Variants in ROR2 observed in about 807,000 individuals in gnomAD.
The protein encoded by ROR2 is ROR family WNT receptor 2, also known as tyrosine-protein kinase transmembrane receptor ROR2.
In ROR2, 33 loss-of-function variants were observed where a neutral mutation model predicts 74.9. The observed-to-expected ratio is 0.44, with a 90% CI of 0.33 to 0.59. The LOEUF (loss-of-function observed/expected upper bound fraction) is 0.59, where lower values mean the gene tolerates loss of function less well. Ranked by LOEUF, ROR2 falls within the 20% of genes least tolerant of loss-of-function variation. ROR2 has a pLI of 0.02. For synonymous variants in ROR2, 586 were observed against 558.7 expected (o/e 1.05, Z -0.69); for missense variants, 1,216 against 1,313.8 (o/e 0.93, Z 1.15).
At chr9:91,898,486 G>A (rs1018044022) in intron 1 of ROR2, among the ~76,000 whole-genome samples, 12 of 152,142 alleles carry the variant, frequency 7.9e-5, no homozygotes, top group Admixed American at 6.5e-4. Flanking sequence ...ACCCCAAGAC[G>A]TCCTACAGAA....
At chr9:91,885,289 C>G (rs919856322) in intron 1 of ROR2, among the ~76,000 whole-genome samples, 3 of 151,972 alleles carry the variant, frequency 2.0e-5, no homozygotes, top group Admixed American at 2.0e-4. Context: ...TAAAAAGGAG[C>G]CTTTGTTGAA....
chr9:91,879,936 A>G (rs1342593466), intron 1 of ROR2, among the ~76,000 whole-genome samples: 2 of 152,104 alleles, frequency 1.3e-5, no homozygotes, highest in South Asian at 2.1e-4. Flanking sequence ...AAGGAGGTCA[A>G]TACTAAGTTT....
rs1164053602 is a variant in ROR2 at position 91,742,308 on chromosome 9, A to G, written c.495-4790T>C. Among the ~76,000 whole-genome samples, 8 of 152,128 alleles carry G rather than the reference A, an allele frequency of 5.3e-5. No homozygotes were observed. The East Asian group carries it at 5.8e-4, about 11-fold the overall frequency. On this transcript the variant is annotated intron_variant, in intron 4 of 8. Coordinates refer to ENST00000375708, the MANE Select transcript of ROR2 (RefSeq NM_004560.4). ...CCTCCCGCTACATGTGGGTGATTCA[A>G]TTACCTCCCCCTGGATCCCTCCTGC...
At chr9:91,800,236 GGAGGCT>G (rs1827329591) in intron 1 of ROR2, among the ~76,000 whole-genome samples, 1 of 152,240 alleles carries the variant, frequency 6.6e-6, no homozygotes, top group East Asian at 1.9e-4. Flanking sequence ...CAGCTACTCA[GGAGGCT>G]GAGGCAGGAG....
intron 5 of ROR2, among the ~76,000 whole-genome samples, chr9:91,735,278 C>G (rs1824981562): frequency 6.6e-6 from 1 of 152,244 alleles, no homozygotes; most frequent in African/African-American, 2.4e-5. Flanking sequence ...ACACTGCACA[C>G]AACGCAGTCA....
chr9:91,774,714 CTA>C (rs1388379223), intron 2 of ROR2, among the ~76,000 whole-genome samples: 1 of 152,094 alleles, frequency 6.6e-6, no homozygotes, highest in Non-Finnish European at 1.5e-5. Flanking sequence ...AGAAATGTAA[CTA>C]TGTGTGAGAA....
intron 1 of ROR2, among the ~76,000 whole-genome samples, chr9:91,802,708 C>A (rs1398328728): frequency 6.6e-6 from 1 of 152,098 alleles, no homozygotes; most frequent in Non-Finnish European, 1.5e-5. Flanking sequence ...GGACTGAATC[C>A]AGCCTGCAGT....
chr9:91,744,131 T>C (rs1825330429), intron 4 of ROR2, among the ~76,000 whole-genome samples: 1 of 152,058 alleles, frequency 6.6e-6, no homozygotes, highest in Non-Finnish European at 1.5e-5. Context: ...TTTTTAGTTT[T>C]TATCTGTTGC....
At chr9:91,745,927 T>C (rs1825397294) in intron 4 of ROR2, among the ~76,000 whole-genome samples, 1 of 152,184 alleles carries the variant, frequency 6.6e-6, no homozygotes, top group African/African-American at 2.4e-5. Flanking sequence ...AGAAAAAAAT[T>C]AGACTGGCTT....
chr9:91,949,833 C>A (rs1832123476), intron 1 of ROR2, 34 bp downstream of exon 1: 1 of 1,330,958 alleles, frequency 7.5e-7, no homozygotes. Flanking sequence ...CCGTGAGCTA[C>A]CGTCTGCGCA....
chr9:91,745,135 A>T (rs1347019841), intron 4 of ROR2, among the ~76,000 whole-genome samples: 1 of 151,266 alleles, frequency 6.6e-6, no homozygotes, highest in African/African-American at 2.4e-5. Flanking sequence ...TTATATATAT[A>T]TATTTTTGAG....
At chr9:91,904,102 A>G (rs1830749442) in intron 1 of ROR2, among the ~76,000 whole-genome samples, 1 of 150,438 alleles carries the variant, frequency 6.6e-6, no homozygotes, top group South Asian at 2.1e-4. Context: ...GTACAGTGGT[A>G]GGATCTCGGC....
intron 1 of ROR2, among the ~76,000 whole-genome samples, chr9:91,867,473 G>C (rs1445943510): frequency 6.6e-6 from 1 of 152,102 alleles, no homozygotes; most frequent in Non-Finnish European, 1.5e-5. Flanking sequence ...GTTTTTCTGA[G>C]ACGTGGACAT....
At chr9:91,931,045 G>A (rs1454869043) in intron 1 of ROR2, among the ~76,000 whole-genome samples, 1 of 151,840 alleles carries the variant, frequency 6.6e-6, no homozygotes, top group African/African-American at 2.4e-5. Context: ...AAACAAAAGG[G>A]AGAAAAAAGG....
chr9:91,809,693 C>T (rs551428721), intron 1 of ROR2, among the ~76,000 whole-genome samples: 14 of 152,354 alleles, frequency 9.2e-5, no homozygotes, highest in African/African-American at 2.4e-4. Flanking sequence ...TGGCTTGAGG[C>T]GTCTGGGGTA....
intron 2 of ROR2, among the ~76,000 whole-genome samples, chr9:91,763,374 G>A (rs770944631): frequency 4.6e-5 from 7 of 152,192 alleles, no homozygotes; most frequent in Non-Finnish European, 7.3e-5. Context: ...GTGTCATAGA[G>A]TCTTGAAATC....
intron 1 of ROR2, among the ~76,000 whole-genome samples, chr9:91,814,302 G>A (rs1177641940): frequency 6.6e-6 from 1 of 152,186 alleles, no homozygotes; most frequent in Non-Finnish European, 1.5e-5. Context: ...GCCTCTAGAA[G>A]GCAACAGCCT....
chr9:91,855,253 T>C (rs1829242506), intron 1 of ROR2, among the ~76,000 whole-genome samples: 1 of 152,150 alleles, frequency 6.6e-6, no homozygotes, highest in Non-Finnish European at 1.5e-5. Context: ...CTAGAGTCCA[T>C]CCATCCTCAC....
chr9:91,772,383 G>C (rs1483249188), intron 2 of ROR2, among the ~76,000 whole-genome samples: 1 of 152,138 alleles, frequency 6.6e-6, no homozygotes, highest in African/African-American at 2.4e-5. Context: ...CTTTCATCCC[G>C]CCTATGCTGG....
Sources: allele counts gnomAD v4.1 joint callset (sites outside exome capture counted in the v4.1 genomes callset), GRCh38; gene constraint gnomAD v4.1.1; transcripts MANE v1.5; gene names NCBI Gene and HGNC (gene_info 2026-07-23, HGNC 2026-07-21).